Variants in SULF1 observed in about 807,000 individuals in gnomAD.
The protein encoded by SULF1 is extracellular sulfatase Sulf-1.
SULF1 carries 46 observed loss-of-function variants against 110.5 expected under a neutral mutation model. That is an observed-to-expected ratio of 0.42 (90% CI 0.33 to 0.53). SULF1 has a LOEUF of 0.53. Among genes scored for constraint, SULF1 ranks in the 20% least tolerant of loss-of-function variants. The pLI is 0.12. For synonymous variants in SULF1, 371 were observed against 387.1 expected (o/e 0.96, Z 0.49); for missense variants, 941 against 1,094.2 (o/e 0.86, Z 1.98).
chr8:69,610,898 G>A (rs959434448), intron 13 of SULF1, among the ~76,000 whole-genome samples: 6 of 151,406 alleles, frequency 4.0e-5, no homozygotes, highest in African/African-American at 1.5e-4. Flanking sequence ...CTCACCTAAG[G>A]CTCAGGTCCT....
chr8:69,583,815 A>G (rs1410653781), intron 6 of SULF1, among the ~76,000 whole-genome samples: 2 of 152,190 alleles, frequency 1.3e-5, no homozygotes, highest in African/African-American at 4.8e-5. Context: ...ACCACAATGG[A>G]GAAAGGGAAG....
At chr8:69,631,472 C>G (rs531426567) in intron 19 of SULF1, among the ~76,000 whole-genome samples, 51 of 152,358 alleles carry the variant, frequency 3.3e-4, no homozygotes, top group Non-Finnish European at 6.0e-4. Flanking sequence ...AATCCCTTCA[C>G]CTGACCCCAG....
At chr8:69,584,442 A>G (rs1806301195) in intron 6 of SULF1, 1 of 152,282 alleles carries the variant, frequency 6.6e-6, no homozygotes, top group Admixed American at 6.5e-5. Context: ...AAAACTGGTA[A>G]TTCCATTTTA....
intron 3 of SULF1, among the ~76,000 whole-genome samples, chr8:69,545,378 G>A (rs1814184256): frequency 6.6e-6 from 1 of 152,130 alleles, no homozygotes; most frequent in Non-Finnish European, 1.5e-5. Context: ...GGTTAGTTAG[G>A]AGATATAATT....
At chr8:69,568,516 C>G (rs1478402501) in intron 5 of SULF1, among the ~76,000 whole-genome samples, 1 of 152,152 alleles carries the variant, frequency 6.6e-6, no homozygotes, top group Non-Finnish European at 1.5e-5. Context: ...TCCCAAAGAA[C>G]ATTTTGTTCA....
chr8:69,553,620 T>C (rs1586383794), intron 3 of SULF1, among the ~76,000 whole-genome samples: 1 of 152,190 alleles, frequency 6.6e-6, no homozygotes, highest in South Asian at 2.1e-4. Flanking sequence ...ATTCACAACT[T>C]TATAAAGCAT....
intron 1 of SULF1, among the ~76,000 whole-genome samples, chr8:69,467,377 G>A (rs1318831458): frequency 6.6e-6 from 1 of 152,202 alleles, no homozygotes; most frequent in Non-Finnish European, 1.5e-5. Flanking sequence ...GGCAGAGGTG[G>A]AAGTGCTTTC....
intron 19 of SULF1, chr8:69,638,259 G>A: frequency 4.2e-6 from 2 of 479,318 alleles, no homozygotes; most frequent in Non-Finnish European, 7.2e-6. Flanking sequence ...TAATGTGCCT[G>A]AAATTTTACT....
chr8:69,625,361 T>C (rs889284846), intron 15 of SULF1, among the ~76,000 whole-genome samples: 3 of 152,264 alleles, frequency 2.0e-5, no homozygotes, highest in Non-Finnish European at 4.4e-5. Flanking sequence ...ATGTGACATT[T>C]TGTCCTCACT....
At chr8:69,569,636 A>T (rs1238435964) in intron 5 of SULF1, among the ~76,000 whole-genome samples, 1 of 151,972 alleles carries the variant, frequency 6.6e-6, no homozygotes, top group African/African-American at 2.4e-5. Context: ...AGACACAAAA[A>T]CCCTCTGACT....
chr8:69,529,183 G>T (rs1461639311), intron 3 of SULF1, among the ~76,000 whole-genome samples: 5 of 152,114 alleles, frequency 3.3e-5, no homozygotes, highest in African/African-American at 1.2e-4. Flanking sequence ...AGACCCCAAA[G>T]CCTGTGTTTA....
Position 69,523,627 on chromosome 8 carries a change from A to C in SULF1, c.-134+21659A>C, listed in dbSNP as rs533330801. Among the ~76,000 whole-genome samples the C allele has an allele frequency of 2.0e-5, 3 of 152,034 alleles. No individual in the cohort carries two copies. In the East Asian group the frequency reaches 5.8e-4, roughly 30 times the overall value. ...ATGGTGAAGTGAGAGAGGGGGAAGG[A>C]GGTTGAGAATGTTTACAAAGGACTG... On this transcript the variant is annotated intron_variant, in intron 3 of 22. Transcript: ENST00000402687.
At chr8:69,621,890 A>C (rs1448219841) in intron 14 of SULF1, among the ~76,000 whole-genome samples, 1 of 152,246 alleles carries the variant, frequency 6.6e-6, no homozygotes, top group Non-Finnish European at 1.5e-5. Flanking sequence ...GAAAGAATGA[A>C]TCTAGTACCA....
intron 5 of SULF1, among the ~76,000 whole-genome samples, chr8:69,565,891 T>C (rs1424120387): frequency 2.6e-5 from 4 of 152,094 alleles, no homozygotes; most frequent in Non-Finnish European, 5.9e-5. Context: ...TTCACCCCCC[T>C]CGCCTCTATC....
intron 17 of SULF1, 72 bp from the exon 18 acceptor site, chr8:69,628,099 C>A: frequency 7.4e-7 from 1 of 1,353,486 alleles, no homozygotes; most frequent in South Asian, 1.2e-5. Flanking sequence ...ATTTTGCTTT[C>A]TTTTTATAAA....
At chr8:69,548,529 C>A (rs889189483) in intron 3 of SULF1, among the ~76,000 whole-genome samples, 8 of 150,786 alleles carry the variant, frequency 5.3e-5, no homozygotes, top group Admixed American at 2.6e-4. Context: ...CTCACTGCAT[C>A]CTCTGCCTCC....
chr8:69,483,669 G>C (rs1001703641), intron 1 of SULF1, among the ~76,000 whole-genome samples: 6 of 152,072 alleles, frequency 3.9e-5, no homozygotes, highest in Non-Finnish European at 8.8e-5. Flanking sequence ...CTCACCTGTA[G>C]TCCCAGCTAA....
intron 3 of SULF1, among the ~76,000 whole-genome samples, chr8:69,540,263 G>A (rs953569817): frequency 3.3e-5 from 5 of 152,166 alleles, no homozygotes; most frequent in African/African-American, 9.7e-5. Flanking sequence ...AAGACCCTAA[G>A]TCACTTTTCT....
intron 8 of SULF1, among the ~76,000 whole-genome samples, chr8:69,600,020 C>T (rs535818751): frequency 5.3e-5 from 8 of 152,030 alleles, no homozygotes; most frequent in South Asian, 2.1e-4. Context: ...ATGTATATTG[C>T]GGAAGTAGAC....
Sources: allele counts gnomAD v4.1 joint callset (sites outside exome capture counted in the v4.1 genomes callset), GRCh38; gene constraint gnomAD v4.1.1; transcripts MANE v1.5; gene names NCBI Gene and HGNC (gene_info 2026-07-23, HGNC 2026-07-21).